Variants in AFMID observed in about 807,000 individuals in gnomAD.
AFMID encodes kynurenine formamidase.
In AFMID, 39 loss-of-function variants were observed where a neutral mutation model predicts 47.5. The ratio of observed to expected loss-of-function variants is 0.82; its 90% CI spans 0.64 to 1.07. AFMID has a LOEUF of 1.07. Ranked by LOEUF, AFMID falls within the 50% of genes least tolerant of loss-of-function variation. AFMID has a pLI of 0.00. For synonymous variants in AFMID, 130 were observed against 153.2 expected, an observed-to-expected ratio of 0.85 and a Z score of 1.12; for missense variants, 375 against 387.5, an observed-to-expected ratio of 0.97 and a Z score of 0.27.
chr17:78,192,383 C>T (rs1169895849), intron 2 of AFMID, among the ~76,000 whole-genome samples: 16 of 144,538 alleles, frequency 1.1e-4, no homozygotes, highest in African/African-American at 3.4e-4. Flanking sequence ...GGTGCAATCT[C>T]GGCTCACTGC....
At chr17:78,204,213 G>A (rs2076317900) in intron 4 of AFMID, among the ~76,000 whole-genome samples, 1 of 152,032 alleles carries the variant, frequency 6.6e-6, no homozygotes, top group South Asian at 2.1e-4. Context: ...CCACACATTG[G>A]GAGGCTGAGG....
chr17:78,192,411 T>C (rs1467615753), intron 2 of AFMID, among the ~76,000 whole-genome samples: 3 of 147,470 alleles, frequency 2.0e-5, no homozygotes. Flanking sequence ...ACCTCCCAGG[T>C]TCAAGCGATT....
chr17:78,194,921 C>T (rs987822258), intron 2 of AFMID, among the ~76,000 whole-genome samples: 1 of 151,500 alleles, frequency 6.6e-6, no homozygotes, highest in Non-Finnish European at 1.5e-5. Flanking sequence ...CTCAAACTCC[C>T]GACCTCAGGT....
chr17:78,205,487 A>G lies in AFMID; in HGVS notation c.613A>G (p.Thr205Ala), dbSNP rs754536494. The change falls in exon 8 of 11, where the codon ACT becomes GCT. Residue 205 changes from threonine to alanine, a missense_variant. Thr to Ala is a moderately conservative substitution (Grantham distance 58). Transcript: ENST00000409257. ...CTTTGACCTGGAGCCCATCGTGTAT[A>G]CTTCACAGAACGTTGCTCTCCAGCT... is the stretch of plus-strand genomic sequence containing the variant. ...GVFDLEPIVYTSQNVALQLTL... is the reference protein window; with the variant it reads ...GVFDLEPIVYASQNVALQLTL... 1.5e-5 allele frequency: 25 copies of G among 1,613,952 alleles called. No homozygotes were observed. The highest frequency in any genetic ancestry group is 1.8e-5 in the Non-Finnish European group (21 of 1,180,022).
At chr17:78,199,095 G>A (rs1022680582) in intron 2 of AFMID, among the ~76,000 whole-genome samples, 1 of 152,250 alleles carries the variant, frequency 6.6e-6, no homozygotes, top group African/African-American at 2.4e-5. Context: ...AGGGGCAAGT[G>A]GTTGGTAACG....
intron 1 of AFMID, among the ~76,000 whole-genome samples, chr17:78,189,403 A>G (rs1465313332): frequency 2.0e-5 from 3 of 149,374 alleles, no homozygotes; most frequent in African/African-American, 7.4e-5. Context: ...TTGTATTTTT[A>G]GTAGAGACGG....
At chr17:78,201,770 C>G (rs796800000) in intron 2 of AFMID, among the ~76,000 whole-genome samples, 13 of 152,040 alleles carry the variant, frequency 8.6e-5, no homozygotes, top group Non-Finnish European at 1.3e-4. Context: ...TCGCTCTGTC[C>G]CCCAGGCTAG....
chr17:78,205,375 G>T, intron 7 of AFMID, 65 bp from the exon 8 acceptor site: 2 of 1,571,888 alleles, frequency 1.3e-6, no homozygotes, highest in Non-Finnish European at 1.8e-6. Context: ...CTGGCGGTGG[G>T]GGTGGGCTGG....
chr17:78,197,353 C>A, intron 2 of AFMID: 1 of 710,476 alleles, frequency 1.4e-6, no homozygotes, highest in Non-Finnish European at 2.3e-6. Context: ...CAGATGCTTG[C>A]AAGTGGTATG....
chr17:78,191,592 C>T (rs2075970279), intron 2 of AFMID, among the ~76,000 whole-genome samples: 1 of 151,532 alleles, frequency 6.6e-6, no homozygotes, highest in Non-Finnish European at 1.5e-5. Context: ...AGAATTGCTT[C>T]AACCTGGGAG....
intron 2 of AFMID, among the ~76,000 whole-genome samples, chr17:78,201,238 G>A (rs2076235252): frequency 1.3e-5 from 2 of 148,822 alleles, no homozygotes; most frequent in African/African-American, 2.5e-5. Context: ...AAGTTGCAGT[G>A]AGCCAAGATG....
intron 2 of AFMID, among the ~76,000 whole-genome samples, chr17:78,198,121 C>G (rs2076157331): frequency 6.6e-6 from 1 of 152,090 alleles, no homozygotes; most frequent in Non-Finnish European, 1.5e-5. Context: ...CTTAGCTACT[C>G]TGGTGGCAGA....
At chr17:78,197,839 A>G (rs1330150064) in intron 2 of AFMID, among the ~76,000 whole-genome samples, 1 of 152,028 alleles carries the variant, frequency 6.6e-6, no homozygotes, top group Non-Finnish European at 1.5e-5. Flanking sequence ...TGAGAAAGAG[A>G]GGGGGCCGGT....
Position 78,205,770 on chromosome 17 carries a change from C to T in AFMID, c.780+32C>T, listed in dbSNP as rs1275927690. On this transcript the variant is annotated intron_variant, in intron 9 of 10. Transcript: ENST00000409257. ...CCAGTGCAGGTTTGTGGCCAGAGGT[C>T]GAGGGTCATGTGGGCTCATTATTTT... 8 of 1,606,216 alleles carry T rather than the reference C, an allele frequency of 5.0e-6. No homozygotes were observed. The Admixed American group carries it at 8.3e-5, about 17-fold the overall frequency.
Position 78,207,273 on chromosome 17 carries a change from CTTTTTTTT to C in AFMID, c.*357_*364del, listed in dbSNP as rs1163959276. 17 of 85,434 alleles carry C rather than the reference CTTTTTTTT, an allele frequency of 2.0e-4. No homozygotes were observed. The highest frequency in any genetic ancestry group is 1.6e-3 in the South Asian group (8 of 5,032). 5.3% of individuals were successfully genotyped at this position (85,434 alleles called of 1,614,324 possible). On this transcript the variant is annotated 3_prime_UTR_variant, in exon 11 of 11. Transcript: ENST00000409257. ...ACGCTCAAAAGTAATGCCATTACTT[CTTTTTTTT>C]TTTTTTTTTTTTTTTTTTTTGAGAT...
chr17:78,206,992 C>G lies in AFMID; in HGVS notation c.*55C>G, dbSNP rs777099119. 34 of 1,588,278 alleles carry G rather than the reference C, an allele frequency of 2.1e-5. No individual in the cohort carries two copies. The Middle Eastern group carries it at 8.3e-4, about 39-fold the overall frequency. On this transcript the variant is annotated 3_prime_UTR_variant, in exon 11 of 11. Transcript: ENST00000409257. ...TGCATCCCACCTTGGGAAGCCTCTCCAAAGAGCTTTCGGAGCTGACACTGA... is the reference window on the plus strand; with the variant it reads ...TGCATCCCACCTTGGGAAGCCTCTCGAAAGAGCTTTCGGAGCTGACACTGA...
At chr17:78,198,444 C>CA (rs572015460) in intron 2 of AFMID, among the ~76,000 whole-genome samples, 16,931 of 139,146 alleles carry the variant, frequency 0.12, 968 homozygotes, top group East Asian at 0.17. Context: ...ACTACAAATA[C>CA]AAAAAAAAAA....
chr17:78,192,175 ATTTTT>A (rs201019004), intron 2 of AFMID, among the ~76,000 whole-genome samples: 1 of 124,124 alleles, frequency 8.1e-6, no homozygotes, highest in South Asian at 2.4e-4. Flanking sequence ...AGTGTTTTGT[ATTTTT>A]TTTTTTTTTT....
chr17:78,205,452 T>C lies in AFMID; in HGVS notation c.578T>C (p.Val193Ala). 1 of 1,614,124 alleles carries C rather than the reference T, an allele frequency of 6.2e-7. No individual in the cohort carries two copies. Among genetic ancestry groups the C allele is most frequent in the Non-Finnish European group, 8.5e-7 (1 of 1,180,006 alleles). ...TGTACCTTCACAGGCTTTTTCCTGG[T>C]GAGTGGGGTCTTTGACCTGGAGCCC... ...VTPNLRGFFL[V>A]SGVFDLEPIV... is the part of the protein sequence containing the mutation. Residue 193 changes from valine to alanine, a missense_variant, in exon 8 of 11, where the codon GTG becomes GCG. Val to Ala is a moderately conservative substitution (Grantham distance 64). Transcript: ENST00000409257.
Sources: allele counts gnomAD v4.1 joint callset (sites outside exome capture counted in the v4.1 genomes callset), GRCh38; gene constraint gnomAD v4.1.1; transcripts MANE v1.5; gene names NCBI Gene and HGNC (gene_info 2026-07-23, HGNC 2026-07-21).